HESX1: variants seen among roughly 807,000 people sequenced by gnomAD.
HESX1 encodes the protein homeobox expressed in ES cells 1.
Under a neutral mutation model 22.5 loss-of-function variants are expected in HESX1, and 11 were observed. The observed-to-expected ratio is 0.49, with a 90% CI of 0.31 to 0.81. The LOEUF is 0.81. HESX1 is among the 30% of genes least tolerant of loss of function. HESX1 has a pLI of 0.05. For missense variants in HESX1, 201 were observed against 212.6 expected (o/e 0.95, Z 0.34); for synonymous variants, 74 against 76.5 (o/e 0.97, Z 0.17).
intron 1 of HESX1, among the ~76,000 whole-genome samples, chr3:57,211,036 T>C (rs751144860): frequency 4.4e-4 from 67 of 151,478 alleles, no homozygotes; most frequent in Non-Finnish European, 1.2e-4. Flanking sequence ...CTGACCAATA[T>C]GGAGAAACCC....
intron 1 of HESX1, among the ~76,000 whole-genome samples, chr3:57,219,124 CCT>C (rs1000248669): frequency 2.0e-5 from 3 of 152,076 alleles, no homozygotes; most frequent in South Asian, 4.2e-4. Flanking sequence ...CTGTTGTTCC[CCT>C]CTTTGTGTCT....
intron 1 of HESX1, among the ~76,000 whole-genome samples, chr3:57,213,094 C>T (rs2060565190): frequency 6.6e-6 from 1 of 152,072 alleles, no homozygotes; most frequent in Admixed American, 6.6e-5. Context: ...ATAGCTCTGC[C>T]TCTCCCTTCA....
intron 1 of HESX1, among the ~76,000 whole-genome samples, chr3:57,221,803 C>T (rs1334745556): frequency 6.6e-6 from 1 of 151,774 alleles, no homozygotes; most frequent in Non-Finnish European, 1.5e-5. Flanking sequence ...GATGGGGTTT[C>T]GCCATATTGT....
intron 1 of HESX1, among the ~76,000 whole-genome samples, chr3:57,224,500 T>C (rs2060632144): frequency 6.6e-6 from 1 of 152,152 alleles, no homozygotes. Context: ...TCATTCTCCA[T>C]CTTGGATAGA....
Position 57,198,477 on chromosome 3 carries a change from T to C in HESX1, c.373A>G (p.Asn125Asp), listed in dbSNP as rs747032044. ...FTQNQIEVLE[N>D]VFRVNCYPGI... ...GGATAGCAGTTTACTCTAAAGACAT[T>C]TTCTAACACTTCAATCTAAGAAAAA... is the stretch of plus-strand genomic sequence containing the variant. The change falls in exon 3 of 4, where the codon AAT becomes GAT. Residue 125 changes from asparagine to aspartate, a missense_variant. Asn to Asp is a conservative substitution (Grantham distance 23, BLOSUM62 1). Transcript: ENST00000295934. 9 of 1,583,362 alleles carry C rather than the reference T, an allele frequency of 5.7e-6. No homozygotes were observed. In the African/African-American group the frequency reaches 6.8e-5, roughly 12 times the overall value.
upstream of HESX1, among the ~76,000 whole-genome samples, chr3:57,204,494 GT>G (rs1386112783): frequency 1.3e-5 from 2 of 152,226 alleles, no homozygotes; most frequent in African/African-American, 4.8e-5. Flanking sequence ...TTACTGGGAT[GT>G]GAAAGCCTGG....
At chr3:57,227,161 A>C (rs1335115715), upstream of HESX1, among the ~76,000 whole-genome samples, 1 of 152,170 alleles carries the variant, frequency 6.6e-6, no homozygotes, top group Non-Finnish European at 1.5e-5. Flanking sequence ...GGAACTGATA[A>C]ACTGGCAACA....
chr3:57,226,913 C>T (rs575398725), upstream of HESX1, among the ~76,000 whole-genome samples: 4 of 152,348 alleles, frequency 2.6e-5, no homozygotes, highest in South Asian at 8.3e-4. Context: ...AAAGGATAGG[C>T]TTGTAGCCCT....
At chr3:57,199,994 C>G, upstream of HESX1, 1 of 1,283,324 alleles carries the variant, frequency 7.8e-7, no homozygotes, top group Non-Finnish European at 1.1e-6. Flanking sequence ...TGGGATCTTC[C>G]TGCAGTTCAC....
intron 1 of HESX1, among the ~76,000 whole-genome samples, chr3:57,222,750 T>C (rs1438553974): frequency 6.6e-6 from 1 of 152,208 alleles, no homozygotes; most frequent in Non-Finnish European, 1.5e-5. Flanking sequence ...ATTTTGGTAA[T>C]TGTTTTGGTA....
At position 57,198,814 on chromosome 3, in the gene HESX1, AAAG is replaced by A. The variant is rs1559496901; in HGVS notation, c.293_295del (p.Ser98del). On this transcript the variant is annotated inframe_deletion, in exon 2 of 4. Coordinates refer to ENST00000295934, the MANE Select transcript of HESX1 (RefSeq NM_003865.3). ...TCTATACCAACTCAACTCTCTTTTC[AAAG>A]ACAGTCTTTCTGAGGCTGAAAAGTA... is the stretch of plus-strand genomic sequence containing the variant. 1 of 1,614,154 alleles carries A rather than the reference AAAG, an allele frequency of 6.2e-7. No homozygotes were observed.
intron 1 of HESX1, among the ~76,000 whole-genome samples, chr3:57,221,662 A>G (rs995403860): frequency 3.9e-5 from 6 of 152,266 alleles, no homozygotes; most frequent in African/African-American, 1.4e-4. Context: ...GCTGGAGTGC[A>G]GTGGCACAAT....
chr3:57,199,724 A>C, intron 1 of HESX1, 38 bp downstream of exon 1: 2 of 1,604,986 alleles, frequency 1.2e-6, no homozygotes, highest in Non-Finnish European at 8.5e-7. Flanking sequence ...ACTGTAAATG[A>C]AATAACAAAG....
At chr3:57,222,614 GGTAA>G (rs1162177267) in intron 1 of HESX1, among the ~76,000 whole-genome samples, 1 of 151,952 alleles carries the variant, frequency 6.6e-6, no homozygotes, top group Non-Finnish European at 1.5e-5. Context: ...TCCCATGTGG[GGTAA>G]GTGTCATGAA....
Position 57,198,455 on chromosome 3 carries a change from T to C in HESX1, c.395A>G (p.Tyr132Cys), listed in dbSNP as rs778672674. The change falls in exon 3 of 4, where the codon TAT becomes TGT. Residue 132 changes from tyrosine to cysteine, a missense_variant. Coordinates refer to ENST00000295934, the MANE Select transcript of HESX1 (RefSeq NM_003865.3). ...GTCTTCTCTAATATCGATACCAGGA[T>C]AGCAGTTTACTCTAAAGACATTTTC... ...VLENVFRVNCYPGIDIREDLA... is the reference protein window; with the variant it reads ...VLENVFRVNCCPGIDIREDLA... The C allele has an allele frequency of 3.1e-6, 5 of 1,606,116 alleles. No individual in the cohort carries two copies. The highest frequency in any genetic ancestry group is 2.2e-5 in the East Asian group (1 of 44,734).
chr3:57,218,059 A>T (rs564366671), intron 1 of HESX1, among the ~76,000 whole-genome samples: 4 of 152,326 alleles, frequency 2.6e-5, no homozygotes, highest in Admixed American at 2.6e-4. Context: ...CTGCATTAGT[A>T]TTCAGACAGG....
At chr3:57,221,140 G>A (rs770102838) in intron 1 of HESX1, among the ~76,000 whole-genome samples, 7 of 151,966 alleles carry the variant, frequency 4.6e-5, no homozygotes, top group East Asian at 3.9e-4. Context: ...CAGCTGCCCC[G>A]GCTCTGTTTT....
At chr3:57,212,395 C>G (rs538020666) in intron 1 of HESX1, among the ~76,000 whole-genome samples, 10 of 151,894 alleles carry the variant, frequency 6.6e-5, no homozygotes, top group Non-Finnish European at 1.2e-4. Flanking sequence ...CCCGTCTCTA[C>G]TAAAAATACA....
chr3:57,220,023 G>A (rs1297878002), intron 1 of HESX1, among the ~76,000 whole-genome samples: 1 of 152,048 alleles, frequency 6.6e-6, no homozygotes, highest in Non-Finnish European at 1.5e-5. Context: ...TGTATATGGC[G>A]TAAAAAAGGG....
Sources: allele counts gnomAD v4.1 joint callset (sites outside exome capture counted in the v4.1 genomes callset), GRCh38; gene constraint gnomAD v4.1.1; transcripts MANE v1.5; gene names NCBI Gene and HGNC (gene_info 2026-07-23, HGNC 2026-07-21).